Variants in ERBB3 observed in about 807,000 individuals in gnomAD.
ERBB3 encodes erb-b2 receptor tyrosine kinase 3.
Under a neutral mutation model 156.7 loss-of-function variants are expected in ERBB3, and 96 were observed. The ratio of observed to expected loss-of-function variants is 0.61; its 90% CI spans 0.52 to 0.73. The LOEUF is 0.73. ERBB3 is among the 30% of genes least tolerant of loss of function. The pLI is 0.00. For synonymous variants in ERBB3, 567 were observed against 632.0 expected (o/e 0.90, Z 1.54); for missense variants, 1,406 against 1,709.4 (o/e 0.82, Z 3.13).
At chr12:56,092,389 CAAAAAAAAAAAAAAAAAAAAAA>C (rs60865127) in intron 9 of ERBB3, among the ~76,000 whole-genome samples, 1 of 42,850 alleles carries the variant, frequency 2.3e-5, no homozygotes, top group South Asian at 1.6e-3. Context: ...GACTCTGTCT[CAAAAAAAAAAAAAAAAAAAAAA>C]AAAAAAAAAG....
chr12:56,089,020 A>G (rs577996168), intron 9 of ERBB3, 152 bp downstream of exon 9: 2 of 1,008,862 alleles, frequency 2.0e-6, no homozygotes, highest in South Asian at 2.6e-5. Flanking sequence ...TGCTTAACAC[A>G]TCCTCCATCC....
chr12:56,097,070 A>C lies in ERBB3; in HGVS notation c.2300A>C (p.Asp767Ala). 6.2e-7 allele frequency: 1 copy of C among 1,614,074 alleles called. No individual in the cohort carries two copies. The highest frequency in any genetic ancestry group is 8.5e-7 in the Non-Finnish European group (1 of 1,179,988). ...CATATGCTGGCCATTGGCAGCCTGG[A>C]CCATGCCCACATTGTAAGGCTGCTG... Reference protein sequence around the residue: ...TDHMLAIGSLDHAHIVRLLGL... With the variant: ...TDHMLAIGSLAHAHIVRLLGL... The change falls in exon 20 of 28, where the codon GAC becomes GCC. Residue 767 changes from aspartate (D) to alanine (A), a missense_variant. Around this residue, in one of 3 missense-constraint regions of ERBB3, gnomAD observed 979 missense variants for 1,219.6 expected, o/e 0.80. Coordinates refer to ENST00000267101, the MANE Select transcript of ERBB3 (RefSeq NM_001982.4).
Position 56,099,728 on chromosome 12 carries a change from C to A in ERBB3, c.2920C>A (p.Arg974=), listed in dbSNP as rs1435701051. The part of the protein sequence containing the change: ...EFTRMARDPP[R]YLVIKRESGP... ...CACCAGGATGGCCCGAGACCCACCACGGTATCTGGTCATAAAGGTGAGTAG... is the reference window on the plus strand; with the variant it reads ...CACCAGGATGGCCCGAGACCCACCAAGGTATCTGGTCATAAAGGTGAGTAG... Residue 974 remains arginine, a synonymous_variant, in exon 24 of 28, where the codon CGG becomes AGG. Coordinates refer to ENST00000267101, the MANE Select transcript of ERBB3 (RefSeq NM_001982.4). 1 of 1,613,886 alleles carries A rather than the reference C, an allele frequency of 6.2e-7. No homozygotes were observed. The highest frequency in any genetic ancestry group is 8.5e-7 in the Non-Finnish European group (1 of 1,179,872).
chr12:56,084,123 G>A (rs1267425504), intron 2 of ERBB3, among the ~76,000 whole-genome samples: 1 of 152,296 alleles, frequency 6.6e-6, no homozygotes, highest in African/African-American at 2.4e-5. Context: ...TCAGGGGCAG[G>A]TGGTGTTCTG....
intron 2 of ERBB3, 110 bp from the exon 3 acceptor site, chr12:56,084,883 AAG>A: frequency 6.5e-7 from 1 of 1,532,516 alleles, no homozygotes; most frequent in Non-Finnish European, 8.8e-7. Context: ...AAAGGAAAGA[AAG>A]AAGGAAGAAT....
chr12:56,095,504 A>G (rs1868861021), intron 16 of ERBB3, 161 bp from the exon 17 acceptor site: 1 of 958,858 alleles, frequency 1.0e-6, no homozygotes, highest in African/African-American at 1.6e-5. Context: ...GTAGTCTAAG[A>G]CTGGTCCAGA....
intron 20 of ERBB3, 66 bp downstream of exon 20, chr12:56,097,296 GAGA>G: frequency 6.5e-7 from 1 of 1,528,904 alleles, no homozygotes; most frequent in Non-Finnish European, 9.0e-7. Flanking sequence ...AGGAAAAAGT[GAGA>G]AGGTTGAAGT....
At chr12:56,101,502 T>C (rs1359643857) in intron 27 of ERBB3, 27 bp from the exon 28 acceptor site, 2 of 1,612,110 alleles carry the variant, frequency 1.2e-6, no homozygotes, top group Non-Finnish European at 1.7e-6. Flanking sequence ...GTTCTTCACA[T>C]ACCTAGCCTT....
intron 26 of ERBB3, 122 bp from the exon 27 acceptor site, chr12:56,100,939 C>CA (rs10536745): frequency 0.047 from 13,762 of 291,986 alleles, 69 homozygotes; most frequent in African/African-American, 0.067. Context: ...GACTCCACCT[C>CA]AAAAAAAAAA....
chr12:56,091,645 TAAG>T (rs1368664384), intron 9 of ERBB3, among the ~76,000 whole-genome samples: 1 of 151,782 alleles, frequency 6.6e-6, no homozygotes, highest in Non-Finnish European at 1.5e-5. Flanking sequence ...TGGAGTTTGA[TAAG>T]AACACCACAG....
chr12:56,094,258 G>T lies in ERBB3; in HGVS notation c.1704+69G>T, dbSNP rs555475940. The T allele has an allele frequency of 5.0e-5, 73 of 1,455,378 alleles. No individual in the cohort carries two copies. The East Asian group carries it at 1.6e-3, about 33-fold the overall frequency. The allele number at this position is 1,455,378 out of a possible 1,614,324, so 90.2% of individuals were successfully genotyped here. A position where few individuals can be genotyped will look rare whatever the true frequency, so the allele number is the denominator to read the frequency against. ...GCAATACTTGGAGCATCTGGGGAAT[G>T]ATATGGCTAAGGATAGCACAGAGAG... On this transcript the variant is annotated intron_variant, in intron 14 of 27. Coordinates refer to ENST00000267101, the MANE Select transcript of ERBB3 (RefSeq NM_001982.4).
chr12:56,081,093 C>A (rs1265985741), intron 1 of ERBB3, among the ~76,000 whole-genome samples: 1 of 152,218 alleles, frequency 6.6e-6, no homozygotes, highest in Non-Finnish European at 1.5e-5. Context: ...AGGCCCTGGG[C>A]CAGGAGCTGT....
rs536805768 is a variant in ERBB3, at chr12:56,097,782, C to G, written c.2461-3C>G. On this transcript the variant is annotated splice_polypyrimidine_tract_variant and splice_region_variant and intron_variant, in intron 20 of 27. Transcript: ENST00000267101. ...AGAATACTTTCTTCCCCTATACCTA[C>G]AGGGAATGTACTACCTTGAGGAACA... 2 of 1,613,208 alleles carry G rather than the reference C, an allele frequency of 1.2e-6. No individual in the cohort carries two copies. Among genetic ancestry groups the G allele is most frequent in the African/African-American group, 1.3e-5 (1 of 75,004 alleles).
chr12:56,092,963 T>C (rs1868765017), intron 10 of ERBB3, 23 bp from the exon 11 acceptor site: 4 of 1,599,502 alleles, frequency 2.5e-6, no homozygotes, highest in Non-Finnish European at 3.4e-6. Context: ...TCCCTGCCCA[T>C]ATGCCTCTCT....
intron 9 of ERBB3, among the ~76,000 whole-genome samples, chr12:56,092,487 C>T (rs1472182496): frequency 3.5e-5 from 5 of 143,000 alleles, no homozygotes; most frequent in African/African-American, 1.0e-4. Flanking sequence ...TAATCCTTTA[C>T]AATCATTATT....
chr12:56,093,782 G>A lies in ERBB3; in HGVS notation c.1499G>A (p.Cys500Tyr), dbSNP rs1188742105. ...RRDCVAEGKVCDPLCSSGGCW... is the reference protein window; with the variant it reads ...RRDCVAEGKVYDPLCSSGGCW... Reference sequence around the variant, plus strand: ...TTTCCAGTGGCAGAGGGCAAAGTGTGTGACCCACTGTGCTCCTCTGGGGGA... The same window carrying A: ...TTTCCAGTGGCAGAGGGCAAAGTGTATGACCCACTGTGCTCCTCTGGGGGA... The change falls in exon 13 of 28, where the codon TGT becomes TAT. Residue 500 changes from cysteine to tyrosine, a missense_variant. Physicochemically the swap from Cys to Tyr is radical, Grantham distance 194. Transcript: ENST00000267101. 2.5e-6 allele frequency: 4 copies of A among 1,614,146 alleles called. No individual in the cohort carries two copies. The highest frequency in any genetic ancestry group is 1.1e-5 in the South Asian group (1 of 91,080).
rs547869059 is a variant in ERBB3 at position 56,090,404 on chromosome 12, G to C, written c.1109+1536G>C. 6.6e-5 allele frequency among the ~76,000 whole-genome samples: 10 copies of C among 152,264 alleles called. 1 individual carries two copies. The highest frequency in any genetic ancestry group is 2.2e-4 in the African/African-American group (9 of 41,576). On this transcript the variant is annotated intron_variant, in intron 9 of 27. Transcript: ENST00000267101. ...CCCAGCACTTTGGGAGGCTGAGGCA[G>C]GTGGATCACTAGGTGTGGATCACGA...
chr12:56,088,002 GA>G lies in ERBB3; in HGVS notation c.733-18del. Reference sequence around the variant, plus strand: ...GGTACACACGTAACATAAATCTGATGAGCCTCCTTTTTTCCCAGGCCTGCCG... The same window carrying G: ...GGTACACACGTAACATAAATCTGATGGCCTCCTTTTTTCCCAGGCCTGCCG... On this transcript the variant is annotated intron_variant, in intron 6 of 27. Transcript: ENST00000267101. 1 of 1,614,128 alleles carries G rather than the reference GA, an allele frequency of 6.2e-7. No homozygotes were observed. The highest frequency in any genetic ancestry group is 8.5e-7 in the Non-Finnish European group (1 of 1,180,014).
chr12:56,089,160 G>T (rs1468445356), intron 9 of ERBB3: 1 of 479,390 alleles, frequency 2.1e-6, no homozygotes, highest in Non-Finnish European at 4.1e-6. Context: ...TTGAGATAGG[G>T]TCTTGCTCTG....
Sources: allele counts gnomAD v4.1 joint callset (sites outside exome capture counted in the v4.1 genomes callset), GRCh38; gene constraint gnomAD v4.1.1; regional missense constraint gnomAD v4.1.1; transcripts MANE v1.5; gene names NCBI Gene and HGNC (gene_info 2026-07-23, HGNC 2026-07-21).